Variants in CNST observed in about 807,000 individuals in gnomAD.
The protein encoded by CNST is consortin.
A neutral mutation model predicts 72.4 loss-of-function variants in CNST; 39 were observed. The observed-to-expected ratio is 0.54, with a 90% CI of 0.42 to 0.70. CNST has a LOEUF of 0.70. CNST is among the 30% of genes least tolerant of loss of function. The pLI is 0.00. For missense variants in CNST, 871 were observed against 868.5 expected, an observed-to-expected ratio of 1.00 and a Z score of -0.04; for synonymous variants, 332 against 320.1, an observed-to-expected ratio of 1.04 and a Z score of -0.40.
intron 10 of CNST, among the ~76,000 whole-genome samples, chr1:246,661,348 C>T: frequency 6.6e-6 from 1 of 151,876 alleles, no homozygotes; most frequent in East Asian, 1.9e-4. Context: ...GAACTCCTGG[C>T]TTCAAGTGAT....
In CNST at chr1:246,667,423, G is replaced by C. The variant is rs561427186; in HGVS notation, c.*1518G>C. 1 of 152,026 alleles carries C rather than the reference G, an allele frequency of 6.6e-6. No individual in the cohort carries two copies. The highest frequency in any genetic ancestry group is 1.5e-5 in the Non-Finnish European group (1 of 68,020). The allele number at this position is 152,026 out of a possible 1,614,324, so 9.4% of individuals were successfully genotyped here. A position where few individuals can be genotyped will look rare whatever the true frequency, so the allele number is the denominator to read the frequency against. ...TGATTTTCTATAATTTCAGTTCCGC[G>C]TGTTTTTACACTTGTTCATTTTAAA... On this transcript the variant is annotated 3_prime_UTR_variant, in exon 11 of 11. Coordinates refer to ENST00000366513, the MANE Select transcript of CNST (RefSeq NM_152609.3).
intron 1 of CNST, among the ~76,000 whole-genome samples, chr1:246,585,461 A>G (rs1182578629): frequency 2.0e-5 from 3 of 151,856 alleles, no homozygotes; most frequent in Non-Finnish European, 4.4e-5. Flanking sequence ...AGCCTGTCCA[A>G]CATGGCGAAA....
At chr1:246,594,347 T>C (rs1480732747) in intron 2 of CNST, among the ~76,000 whole-genome samples, 1 of 152,212 alleles carries the variant, frequency 6.6e-6, no homozygotes, top group Admixed American at 6.5e-5. Flanking sequence ...TTTATAATAC[T>C]GTGAGAAGAT....
intron 1 of CNST, among the ~76,000 whole-genome samples, chr1:246,589,979 A>T (rs1226171826): frequency 1.3e-5 from 2 of 151,862 alleles, no homozygotes; most frequent in Non-Finnish European, 2.9e-5. Flanking sequence ...TTTTTCTTGT[A>T]AATTTGTTTG....
At chr1:246,573,411 T>C (rs1660187977) in intron 1 of CNST, among the ~76,000 whole-genome samples, 1 of 152,256 alleles carries the variant, frequency 6.6e-6, no homozygotes, top group African/African-American at 2.4e-5. Context: ...AAAGCTCATC[T>C]TTTCACTAGC....
In CNST at chr1:246,581,583, G is replaced by A. The variant is rs192758963; in HGVS notation, c.-51-9929G>A. Among the ~76,000 whole-genome samples, 124 of 152,342 alleles carry A rather than the reference G, an allele frequency of 8.1e-4. 1 individual carries two copies. Among genetic ancestry groups the A allele is most frequent in the Non-Finnish European group, 1.4e-3 (92 of 68,042 alleles). On this transcript the variant is annotated intron_variant, in intron 1 of 10. Coordinates refer to ENST00000366513, the MANE Select transcript of CNST (RefSeq NM_152609.3). ...CGGCCCATCCCAATCTTTTAGAAAC[G>A]TAGTCTGGGTCCTTGTAAAGCACAT... is the stretch of plus-strand genomic sequence containing the variant.
intron 8 of CNST, 68 bp downstream of exon 8, chr1:246,642,105 A>G: frequency 1.5e-6 from 1 of 656,538 alleles, no homozygotes. Context: ...TTTACAAGTG[A>G]TACATCTGAA....
intron 2 of CNST, among the ~76,000 whole-genome samples, chr1:246,599,732 G>A (rs1472147279): frequency 6.6e-6 from 1 of 152,176 alleles, no homozygotes; most frequent in Non-Finnish European, 1.5e-5. Context: ...TTTGGGAGCT[G>A]TTATTCTGCC....
chr1:246,567,841 C>T (rs1409012874), intron 1 of CNST, among the ~76,000 whole-genome samples: 1 of 152,158 alleles, frequency 6.6e-6, no homozygotes, highest in East Asian at 1.9e-4. Context: ...CATTACTGAG[C>T]TGCCTCCCCC....
chr1:246,647,522 C>T lies in CNST; in HGVS notation c.1321C>T (p.Arg441Cys), dbSNP rs201932123. The T allele has an allele frequency of 5.9e-5, 96 of 1,614,000 alleles. No homozygotes were observed. The Middle Eastern group carries it at 6.6e-4, about 11-fold the overall frequency. ...TEPLISPGCDRIPPALISEGK... is the reference protein window; with the variant it reads ...TEPLISPGCDCIPPALISEGK... The stretch of plus-strand genomic sequence containing the variant: ...GCCGTTGATTTCACCAGGCTGTGAC[C>T]GTATACCTCCTGCATTGATTTCTGA... The change falls in exon 9 of 11, where the codon CGT becomes TGT. Residue 441 changes from arginine (R) to cysteine (C), a missense_variant. Physicochemically the swap from Arg to Cys is radical, Grantham distance 180. Coordinates refer to ENST00000366513, the MANE Select transcript of CNST (RefSeq NM_152609.3).
intron 2 of CNST, among the ~76,000 whole-genome samples, chr1:246,619,298 AC>A (rs1336951857): frequency 6.6e-6 from 1 of 152,182 alleles, no homozygotes; most frequent in Non-Finnish European, 1.5e-5. Flanking sequence ...TTTTAGAAAT[AC>A]CCTAAAAAAT....
chr1:246,588,473 T>G (rs1349713577), intron 1 of CNST, among the ~76,000 whole-genome samples: 1 of 152,166 alleles, frequency 6.6e-6, no homozygotes, highest in Non-Finnish European at 1.5e-5. Context: ...ATAGCATAAC[T>G]TGTGTTAGCA....
intron 2 of CNST, among the ~76,000 whole-genome samples, chr1:246,603,563 C>CATTTGGAA (rs1662453310): frequency 6.6e-6 from 1 of 152,076 alleles, no homozygotes; most frequent in Non-Finnish European, 1.5e-5. Context: ...CACAAGTGAA[C>CATTTGGAA]ATTTGGAAAT....
chr1:246,661,369 C>G (rs1249144803), intron 10 of CNST, among the ~76,000 whole-genome samples: 1 of 152,120 alleles, frequency 6.6e-6, no homozygotes, highest in Non-Finnish European at 1.5e-5. Flanking sequence ...CCACCCACCT[C>G]GGCCTCCCAA....
chr1:246,571,641 TA>T (rs1466604611), intron 1 of CNST, among the ~76,000 whole-genome samples: 9 of 152,204 alleles, frequency 5.9e-5, no homozygotes, highest in East Asian at 1.9e-4. Context: ...CCTTTTAGAT[TA>T]AGAAAAATTC....
intron 2 of CNST, among the ~76,000 whole-genome samples, chr1:246,609,905 A>G (rs1663188747): frequency 6.6e-6 from 1 of 152,194 alleles, no homozygotes; most frequent in Admixed American, 6.5e-5. Context: ...AGTGGCATTA[A>G]TTACATTCAT....
intron 10 of CNST, among the ~76,000 whole-genome samples, chr1:246,662,660 G>A (rs758521660): frequency 6.6e-6 from 1 of 152,152 alleles, no homozygotes; most frequent in Non-Finnish European, 1.5e-5. Flanking sequence ...CAAAGTGCTG[G>A]GATTACAGGC....
At chr1:246,652,751 T>C (rs1191265741) in intron 9 of CNST, among the ~76,000 whole-genome samples, 1 of 151,764 alleles carries the variant, frequency 6.6e-6, no homozygotes, top group Non-Finnish European at 1.5e-5. Context: ...ACGCCTGTAA[T>C]CCCAGCACTT....
intron 8 of CNST, among the ~76,000 whole-genome samples, chr1:246,642,320 A>G (rs1665771113): frequency 6.6e-6 from 1 of 152,076 alleles, no homozygotes; most frequent in African/African-American, 2.4e-5. Context: ...ATATATATCT[A>G]ACAGAATAAG....
Sources: gnomAD v4.1 joint callset for allele counts (sites outside exome capture counted in the v4.1 genomes callset) on GRCh38, gnomAD v4.1.1 for gene constraint, MANE v1.5 for transcripts, NCBI Gene and HGNC (gene_info 2026-07-23, HGNC 2026-07-21) for gene names.